GVQW3: variants seen among roughly 807,000 people sequenced by gnomAD.
The protein encoded by GVQW3 is protein GVQW3.
GVQW3 carries 7 observed loss-of-function variants against 12.5 expected under a neutral mutation model. That is an observed-to-expected ratio of 0.56 (90% CI 0.32 to 1.05). GVQW3 has a LOEUF of 1.05. Among genes scored for constraint, GVQW3 ranks in the 50% least tolerant of loss-of-function variants. The probability of loss-of-function intolerance (pLI) is 0.04; values close to 1 mark genes in which losing one functional copy is unlikely to be tolerated. For synonymous variants in GVQW3, 71 were observed against 67.2 expected (o/e 1.06, Z -0.28); for missense variants, 188 against 190.8 (o/e 0.99, Z 0.09).
intron 1 of GVQW3, among the ~76,000 whole-genome samples, chr11:76,385,078 G>A (rs907100297): frequency 1.3e-5 from 2 of 152,210 alleles, no homozygotes; most frequent in African/African-American, 4.8e-5. Context: ...TGCCAGTGAT[G>A]CTGGACCAAG....
intron 1 of GVQW3, among the ~76,000 whole-genome samples, chr11:76,390,716 A>C (rs1410434030): frequency 6.6e-6 from 1 of 152,012 alleles, no homozygotes; most frequent in Non-Finnish European, 1.5e-5. Flanking sequence ...AGTCCCAGCT[A>C]CTCAGGAGGC....
chr11:76,382,225 C>T lies in GVQW3; in HGVS notation c.397C>T (p.Arg133Ter). ...TGTTTTGAAGGGTGAGCCTAAACCA[C>T]GAAAACTTGACTTTCGGTCCGATCT... ...SGVLKGEPKPRKLDFRSDLSK... is the reference protein window; with the variant it reads ...SGVLKGEPKP Residue 133 changes from arginine to a stop codon, truncating the protein, a stop_gained, in exon 1 of 2, where the codon CGA (arginine) becomes TGA (stop). Transcript: ENST00000529331. LOFTEE classifies it high-confidence loss of function. 6.5e-7 allele frequency: 1 copy of T among 1,536,040 alleles called. No individual in the cohort carries two copies. The highest frequency in any genetic ancestry group is 2.4e-5 in the East Asian group (1 of 40,924).
intron 1 of GVQW3, among the ~76,000 whole-genome samples, chr11:76,385,828 A>G (rs924844687): frequency 6.6e-6 from 1 of 151,908 alleles, no homozygotes; most frequent in South Asian, 2.1e-4. Flanking sequence ...CCTCAGTTGC[A>G]CTCCCCAGAG....
chr11:76,399,528 G>A (rs1445083450), intron 1 of GVQW3, among the ~76,000 whole-genome samples: 1 of 152,176 alleles, frequency 6.6e-6, no homozygotes, highest in Non-Finnish European at 1.5e-5. Context: ...CAATTTGTCT[G>A]GACCACGGGG....
chr11:76,403,987 C>T lies in GVQW3; in HGVS notation c.*229C>T. 1 of 674,366 alleles carries T rather than the reference C, an allele frequency of 1.5e-6. No homozygotes were observed. Among genetic ancestry groups the T allele is most frequent in the East Asian group, 2.8e-5 (1 of 35,788 alleles). The allele number at this position is 674,366 out of a possible 1,614,324, so 41.8% of individuals were successfully genotyped here. On this transcript the variant is annotated 3_prime_UTR_variant, in exon 2 of 2. Coordinates refer to ENST00000529331, the MANE Select transcript of GVQW3 (RefSeq NM_001347885.2). ...GGCTGCCTCTTCATTACTCGGTCTA[C>T]CAATTCAAATGCTAATCTCTTCCGG...
chr11:76,404,060 C>T lies in GVQW3; in HGVS notation c.*302C>T, dbSNP rs1947016862. 1 of 548,420 alleles carries T rather than the reference C, an allele frequency of 1.8e-6. No homozygotes were observed. The highest frequency in any genetic ancestry group is 2.4e-5 in the South Asian group (1 of 42,182). The allele number at this position is 548,420 out of a possible 1,614,324, so 34.0% of individuals were successfully genotyped here. ...AGAAATAATGTTTTCCCATCTATCT[C>T]AGTACCCCATGATCCAGTCAAGTGA... On this transcript the variant is annotated 3_prime_UTR_variant, in exon 2 of 2. Transcript: ENST00000529331.
intron 1 of GVQW3, among the ~76,000 whole-genome samples, chr11:76,389,459 G>T (rs887058157): frequency 7.0e-6 from 1 of 143,668 alleles, no homozygotes; most frequent in African/African-American, 2.4e-5. Flanking sequence ...ATCTTGTGTT[G>T]GCAGCAAGGC....
exon 2 of GVQW3, chr11:76,414,096 C>T (rs1351726265): frequency 1.3e-5 from 2 of 152,170 alleles, no homozygotes; most frequent in African/African-American, 4.8e-5. Flanking sequence ...TTTATTTCTA[C>T]CATTGTCTTC....
At chr11:76,382,473 G>A (rs1441898394) in intron 1 of GVQW3, 180 bp downstream of exon 1, 1 of 639,904 alleles carries the variant, frequency 1.6e-6, no homozygotes, top group Non-Finnish European at 2.8e-6. Flanking sequence ...AGGAATGTGA[G>A]TTAGCTGAAC....
At chr11:76,389,963 G>T (rs1946875987) in intron 1 of GVQW3, 1 of 152,152 alleles carries the variant, frequency 6.6e-6, no homozygotes, top group African/African-American at 2.4e-5. Context: ...ATGTGATTTT[G>T]TTGGCATCTA....
chr11:76,395,003 C>T (rs2134551369), intron 1 of GVQW3: 1 of 152,304 alleles, frequency 6.6e-6, no homozygotes, highest in Middle Eastern at 3.4e-3. Context: ...AGCCCAGGAC[C>T]TCCTAAAAGC....
chr11:76,406,546 G>C lies in GVQW3; in HGVS notation c.*2788G>C, dbSNP rs1307707095. ...ATTTCTGACCCCAAACCCAGCTGCA[G>C]CTTCTCATCTCACGAATTTCAAGTG... On this transcript the variant is annotated 3_prime_UTR_variant, in exon 2 of 2. Transcript: ENST00000529331. 2 of 152,312 alleles carry C rather than the reference G, an allele frequency of 1.3e-5. No individual in the cohort carries two copies. Among genetic ancestry groups the C allele is most frequent in the East Asian group, 3.9e-4 (2 of 5,190 alleles). 9.4% of individuals were successfully genotyped at this position (152,312 alleles called of 1,614,324 possible). A position where few individuals can be genotyped will look rare whatever the true frequency, so the allele number is the denominator to read the frequency against.
rs1947042284 is a variant in GVQW3 at position 76,406,737 on chromosome 11, G to GCT, written c.*2979_*2980insCT. The GCT allele has an allele frequency of 6.6e-6, 1 of 152,108 alleles. No individual in the cohort carries two copies. Among genetic ancestry groups the GCT allele is most frequent in the African/African-American group, 2.4e-5 (1 of 41,416 alleles). 9.4% of individuals were successfully genotyped at this position (152,108 alleles called of 1,614,324 possible). On this transcript the variant is annotated 3_prime_UTR_variant, in exon 2 of 2. Coordinates refer to ENST00000529331, the MANE Select transcript of GVQW3 (RefSeq NM_001347885.2). The stretch of plus-strand genomic sequence containing the variant: ...TAAATAAATATGCCGGGCCAGGCGT[G>GCT]GTGGCTCACGCCTGTAATCCCAGCA...
intron 1 of GVQW3, among the ~76,000 whole-genome samples, chr11:76,387,901 C>T (rs963856069): frequency 3.9e-5 from 6 of 152,068 alleles, no homozygotes; most frequent in Admixed American, 1.3e-4. Flanking sequence ...ACAGCCTAGG[C>T]GACAGAGTGA....
downstream of GVQW3, chr11:76,411,499 G>C (rs555233960): frequency 6.6e-6 from 1 of 152,382 alleles, no homozygotes; most frequent in Non-Finnish European, 1.5e-5. Context: ...ACTTTGGAGA[G>C]AGAAATGATG....
At chr11:76,388,002 T>G (rs1475117686) in intron 1 of GVQW3, among the ~76,000 whole-genome samples, 2 of 152,230 alleles carry the variant, frequency 1.3e-5, no homozygotes, top group African/African-American at 4.8e-5. Context: ...TGATTGGCTA[T>G]TTTACCTTGA....
At chr11:76,394,351 C>T (rs1025869552) in intron 1 of GVQW3, among the ~76,000 whole-genome samples, 5 of 152,098 alleles carry the variant, frequency 3.3e-5, no homozygotes, top group Admixed American at 2.0e-4. Flanking sequence ...ACTATCCTTC[C>T]CAGCCTCTGG....
At chr11:76,396,923 C>T (rs1042656048) in intron 1 of GVQW3, among the ~76,000 whole-genome samples, 26 of 151,194 alleles carry the variant, frequency 1.7e-4, no homozygotes, top group African/African-American at 5.8e-4. Context: ...AATATGTAGC[C>T]TTTTATGTCT....
At chr11:76,401,120 A>T (rs1381289281) in intron 1 of GVQW3, among the ~76,000 whole-genome samples, 1 of 151,060 alleles carries the variant, frequency 6.6e-6, no homozygotes, top group Admixed American at 6.6e-5. Context: ...CAATCTGCCC[A>T]CCTCAGCCTC....
Sources: gnomAD v4.1 joint callset for allele counts (sites outside exome capture counted in the v4.1 genomes callset) on GRCh38, gnomAD v4.1.1 for gene constraint, MANE v1.5 for transcripts, NCBI Gene and HGNC (gene_info 2026-07-23, HGNC 2026-07-21) for gene names.